Variants in CACNA1A observed in about 807,000 individuals in gnomAD.
CACNA1A encodes calcium voltage-gated channel subunit alpha1 A.
In CACNA1A, 57 loss-of-function variants were observed where a neutral mutation model predicts 262.4. The ratio of observed to expected loss-of-function variants is 0.22; its 90% CI spans 0.18 to 0.27. CACNA1A has a LOEUF of 0.27. Among genes scored for constraint, CACNA1A ranks in the 10% least tolerant of loss-of-function variants. CACNA1A has a pLI of 1.00. For synonymous variants in CACNA1A, 1,431 were observed against 1,419.3 expected, an observed-to-expected ratio of 1.01 and a Z score of -0.18; for missense variants, 2,526 against 3,562.8, an observed-to-expected ratio of 0.71 and a Z score of 7.41.
chr19:13,212,619 G>T lies in CACNA1A; in HGVS notation c.6050+12C>A. ...CCCCACACTCCACCTCCCTGGCAGGGGTGACACTCACAGGGCTCCTCCTGG... is the reference window on the plus strand; with the variant it reads ...CCCCACACTCCACCTCCCTGGCAGGTGTGACACTCACAGGGCTCCTCCTGG... On this transcript the variant is annotated intron_variant, in intron 41 of 46. Coordinates refer to ENST00000360228, the MANE Select transcript of CACNA1A (RefSeq NM_001127222.2). The surrounding 1 kb of genome is among the most constrained non-coding windows in gnomAD (Gnocchi z 5.6). 3 of 1,514,304 alleles carry T rather than the reference G, an allele frequency of 2.0e-6. No homozygotes were observed. The highest frequency in any genetic ancestry group is 2.7e-6 in the Non-Finnish European group (3 of 1,125,532). 93.8% of individuals were successfully genotyped at this position (1,514,304 alleles called of 1,614,324 possible).
intron 2 of CACNA1A, among the ~76,000 whole-genome samples, chr19:13,454,293 C>A (rs894651513): frequency 6.6e-6 from 1 of 151,652 alleles, no homozygotes; most frequent in Non-Finnish European, 1.5e-5. Flanking sequence ...CTAGAAGCTG[C>A]CAGCCACACC....
intron 3 of CACNA1A, among the ~76,000 whole-genome samples, chr19:13,442,159 A>G (rs1364641297): frequency 3.3e-5 from 5 of 152,192 alleles, no homozygotes; most frequent in Admixed American, 2.0e-4. Context: ...ACTAGGGTCC[A>G]ATGGTTAATT....
chr19:13,355,191 A>C lies in CACNA1A; in HGVS notation c.978+4415T>G, dbSNP rs142013259. Among the ~76,000 whole-genome samples the C allele has an allele frequency of 6.9e-3, 1,046 of 152,232 alleles. 8 individuals are homozygous for C. The highest frequency in any genetic ancestry group is 0.024 in the African/African-American group (981 of 41,538). On this transcript the variant is annotated intron_variant, in intron 6 of 46. Coordinates refer to ENST00000360228, the MANE Select transcript of CACNA1A (RefSeq NM_001127222.2). ...GTGCCCGGGCTGGGAGGATGCTATT[A>C]GATGACAGAAGACTGGAATGGAGAA... is the stretch of plus-strand genomic sequence containing the variant.
rs760994682 is a variant in CACNA1A, at chr19:13,209,466, T to C, written c.6372A>G (p.Ser2124=). 9.6e-6 allele frequency: 13 copies of C among 1,356,774 alleles called. No homozygotes were observed. In the Middle Eastern group the frequency reaches 1.5e-3, roughly 155 times the overall value. 84.0% of individuals were successfully genotyped at this position (1,356,774 alleles called of 1,614,324 possible). A position where few individuals can be genotyped will look rare whatever the true frequency, so the allele number is the denominator to read the frequency against. The change falls in exon 45 of 47, where the codon TCA becomes TCG. Residue 2124 remains serine, a synonymous_variant. Coordinates refer to ENST00000360228, the MANE Select transcript of CACNA1A (RefSeq NM_001127222.2). ...TISDTSPMKR[S]ASVLGPKARR... ...GGGCCTTGGGGCCCAGCACGGAGGC[T>C]GAACGCTTCATGGGGCTGGTGTCTG...
intron 3 of CACNA1A, among the ~76,000 whole-genome samples, chr19:13,405,325 TG>T (rs2059984740): frequency 6.6e-6 from 1 of 152,126 alleles, no homozygotes; most frequent in Non-Finnish European, 1.5e-5. Context: ...CCCAAGTAGC[TG>T]GAACTACAGG....
At chr19:13,322,797 T>C (rs1166443917) in intron 10 of CACNA1A, among the ~76,000 whole-genome samples, 1 of 152,138 alleles carries the variant, frequency 6.6e-6, no homozygotes, top group Non-Finnish European at 1.5e-5. Flanking sequence ...GGTTTCACCA[T>C]GTTGGTCAGC....
In CACNA1A at chr19:13,236,276, G is replaced by A. The variant is rs572770665; in HGVS notation, c.4951-546C>T. On this transcript the variant is annotated intron_variant, in intron 31 of 46. Transcript: ENST00000360228. The surrounding 1 kb of genome is among the most constrained non-coding windows in gnomAD (Gnocchi z 4.6). The stretch of plus-strand genomic sequence containing the variant: ...TGGTGGACATGTGCGGGTTCCGAGG[G>A]CATGTTACGCTCCGGGCCAGAAATG... Among the ~76,000 whole-genome samples, 1 of 152,248 alleles carries A rather than the reference G, an allele frequency of 6.6e-6. No homozygotes were observed. The highest frequency in any genetic ancestry group is 2.1e-4 in the South Asian group (1 of 4,826).
chr19:13,328,613 A>C (rs1409172740), intron 10 of CACNA1A, among the ~76,000 whole-genome samples: 1 of 152,156 alleles, frequency 6.6e-6, no homozygotes, highest in Non-Finnish European at 1.5e-5. Flanking sequence ...ATTATCCCCA[A>C]GGAAATACGC....
intron 17 of CACNA1A, among the ~76,000 whole-genome samples, chr19:13,301,196 TCCTCCCATTTCGG>T (rs2057781672): frequency 6.6e-6 from 1 of 151,246 alleles, no homozygotes; most frequent in African/African-American, 2.4e-5. Context: ...CCTCAAATGA[TCCTCCCATTTCGG>T]CCTCCCAAAG....
chr19:13,318,339 T>A (rs550888044), intron 10 of CACNA1A, among the ~76,000 whole-genome samples: 2 of 151,954 alleles, frequency 1.3e-5, no homozygotes, highest in Non-Finnish European at 2.9e-5. Flanking sequence ...AGGAAGTCAG[T>A]GTGGCTGGAG....
At chr19:13,499,628 T>G (rs1270388661) in intron 1 of CACNA1A, among the ~76,000 whole-genome samples, 1 of 152,150 alleles carries the variant, frequency 6.6e-6, no homozygotes, top group Non-Finnish European at 1.5e-5. Flanking sequence ...TTTAATCTCC[T>G]GAGAGCCCTC....
rs1468154290 is a variant in CACNA1A, at chr19:13,255,212, G to A, written c.4638C>T (p.His1546=). The A allele has an allele frequency of 1.2e-6, 2 of 1,611,252 alleles. No individual in the cohort carries two copies. Among genetic ancestry groups the A allele is most frequent in the South Asian group, 1.1e-5 (1 of 91,030 alleles). The change falls in exon 29 of 47, where the codon CAC becomes CAT. Residue 1546 remains histidine, a synonymous_variant. Transcript: ENST00000360228. ...GGAAGCTCTGCTTGTTCTGCGGCAT[G>A]TGTCGGGTCAGCGGCTTGGCGCTGA... ...FAISAKPLTR[H]MPQNKQSFQY...
rs200355966 is a variant in CACNA1A, at chr19:13,300,571, G to A, written c.2258C>T (p.Ala753Val). The change falls in exon 18 of 47, where the codon GCG (alanine) becomes GTG (valine). Residue 753 changes from alanine to valine, a missense_variant. Around this residue, in one of 17 missense-constraint regions of CACNA1A, gnomAD observed 765 missense variants for 748.6 expected, o/e 1.02. Coordinates refer to ENST00000360228, the MANE Select transcript of CACNA1A (RefSeq NM_001127222.2). ...TTACACAGCTATAGACATGTTGGCCGCGGACAGAGGACTCACTTCTGCCAC... is the reference window on the plus strand; with the variant it reads ...TTACACAGCTATAGACATGTTGGCCACGGACAGAGGACTCACTTCTGCCAC... ...KEVAEVSPLS[A>V]ANMSIAVKEQ... is the part of the protein sequence containing the mutation. The A allele has an allele frequency of 1.1e-5, 17 of 1,613,166 alleles. No individual in the cohort carries two copies. The highest frequency in any genetic ancestry group is 8.9e-5 in the East Asian group (4 of 44,894).
At chr19:13,314,832 G>A (rs1186407653) in intron 11 of CACNA1A, among the ~76,000 whole-genome samples, 1 of 152,080 alleles carries the variant, frequency 6.6e-6, no homozygotes, top group African/African-American at 2.4e-5. Flanking sequence ...TTTATAGGAC[G>A]CTAAGGAGAT....
In CACNA1A at chr19:13,207,624, G is replaced by A; in HGVS notation, c.7210C>T (p.Pro2404Ser). 3 of 1,479,738 alleles carry A rather than the reference G, an allele frequency of 2.0e-6. No homozygotes were observed. Among genetic ancestry groups the A allele is most frequent in the Non-Finnish European group, 1.8e-6 (2 of 1,115,662 alleles). The allele number at this position is 1,479,738 out of a possible 1,614,324, so 91.7% of individuals were successfully genotyped here. The change falls in exon 47 of 47, where the codon CCC (proline) becomes TCC (serine). Residue 2404 changes from proline to serine, a missense_variant. By Grantham distance (74) the Pro-to-Ser change is moderately conservative (BLOSUM62 -1). Coordinates refer to ENST00000360228, the MANE Select transcript of CACNA1A (RefSeq NM_001127222.2). This position sits in a 1 kb window ranked among gnomAD's most constrained non-coding sequence, Gnocchi z 5.7. ...GPHVSEGPPG[P>S]RHHGYYRGSD... ...CCCCGGTAGTAGCCATGGTGCCGGG[G>A]ACCCGGGGGCCCCTCGGACACGTGC...
chr19:13,298,749 G>C lies in CACNA1A; in HGVS notation c.2884C>G (p.Arg962Gly). ...TCCGGACCCTCCTCCCCGGGCCTGC[G>C]GTGCGCGCGATGACGTCGATGCTCC... is the stretch of plus-strand genomic sequence containing the variant. Reference protein sequence around the residue: ...DGEHRRHRAHRRPGEEGPEDK... With the variant: ...DGEHRRHRAHGRPGEEGPEDK... Residue 962 changes from arginine (R) to glycine (G), a missense_variant, in exon 19 of 47, where the codon CGC (arginine) becomes GGC (glycine). Arg to Gly is a moderately radical substitution (Grantham distance 125). Coordinates refer to ENST00000360228, the MANE Select transcript of CACNA1A (RefSeq NM_001127222.2). 2 of 1,509,482 alleles carry C rather than the reference G, an allele frequency of 1.3e-6. No individual in the cohort carries two copies. The highest frequency in any genetic ancestry group is 5.4e-5 in the East Asian group (2 of 36,824). The allele number at this position is 1,509,482 out of a possible 1,614,324, so 93.5% of individuals were successfully genotyped here. A position where few individuals can be genotyped will look rare whatever the true frequency, so the allele number is the denominator to read the frequency against.
In CACNA1A at chr19:13,332,906, C is replaced by T. The variant is rs1256413231; in HGVS notation, c.1218G>A (p.Glu406=). ...GCCTCTGCTCCCCGTCAGTTTCATC[C>T]TCGGCGAGGATCACCTCTTCTGAAG... ...ISKAEEVILA[E]DETDGEQRHP... Residue 406 remains glutamate, a synonymous_variant, in exon 9 of 47, where the codon GAG becomes GAA. Transcript: ENST00000360228. 2 of 1,612,946 alleles carry T rather than the reference C, an allele frequency of 1.2e-6. No individual in the cohort carries two copies. The highest frequency in any genetic ancestry group is 1.7e-6 in the Non-Finnish European group (2 of 1,179,242).
In CACNA1A at chr19:13,283,358, T is replaced by C. The variant is rs1164174661; in HGVS notation, c.3731A>G (p.Tyr1244Cys). The change falls in exon 22 of 47, where the codon TAC (tyrosine) becomes TGC (cysteine). Residue 1244 changes from tyrosine (Y) to cysteine (C), a missense_variant. Around this residue, in one of 17 missense-constraint regions of CACNA1A, gnomAD observed 765 missense variants for 748.6 expected, o/e 1.02. Transcript: ENST00000360228. ...GACCATGAGGATGCACATCTCAAAG[T>C]AGCGCAGGTTCAGGATGTAATGGCA... is the stretch of plus-strand genomic sequence containing the variant. ...RLCHYILNLR[Y>C]FEMCILMVIA... is the part of the protein sequence containing the mutation. The C allele has an allele frequency of 6.2e-7, 1 of 1,613,920 alleles. No homozygotes were observed. The highest frequency in any genetic ancestry group is 8.5e-7 in the Non-Finnish European group (1 of 1,179,850).
intron 3 of CACNA1A, among the ~76,000 whole-genome samples, chr19:13,380,277 CG>C (rs1468542559): frequency 6.6e-5 from 3 of 45,224 alleles, no homozygotes; most frequent in Non-Finnish European, 1.2e-4. Flanking sequence ...AGCAAGATGC[CG>C]TCTCAAAAAA....
Sources: allele counts gnomAD v4.1 joint callset (sites outside exome capture counted in the v4.1 genomes callset), GRCh38; gene constraint gnomAD v4.1.1; regional missense constraint gnomAD v4.1.1; non-coding constraint Gnocchi (gnomAD v3.1); transcripts MANE v1.5; gene names NCBI Gene and HGNC (gene_info 2026-07-23, HGNC 2026-07-21).